ANO4: variants seen among roughly 807,000 people sequenced by gnomAD.
ANO4 encodes anoctamin 4, also known as anoctamin-4.
In ANO4, 69 loss-of-function variants were observed where a neutral mutation model predicts 141.9. That is an observed-to-expected ratio of 0.49 (90% confidence interval 0.40 to 0.59). ANO4 has a LOEUF of 0.59. Among genes scored for constraint, ANO4 ranks in the 20% least tolerant of loss-of-function variants. ANO4 has a pLI of 0.00. For missense variants in ANO4, 894 were observed against 1,162.2 expected (o/e 0.77, Z 3.36); for synonymous variants, 350 against 394.3 (o/e 0.89, Z 1.33).
At position 100,967,922 on chromosome 12, in the gene ANO4, T is replaced by TC. The variant is rs1344403184; in HGVS notation, c.457-3384_457-3383insC. 2.6e-5 allele frequency among the ~76,000 whole-genome samples: 4 copies of TC among 152,254 alleles called. No individual in the cohort carries two copies. The East Asian group carries it at 7.7e-4, about 29-fold the overall frequency. On this transcript the variant is annotated intron_variant, in intron 5 of 27. Transcript: ENST00000392977. ...TCAAAAGGAAGTTAAAAGGTGAGGG[T>TC]ATGGAATCAGCTCTGTCTGGGGTAA...
intron 2 of ANO4, among the ~76,000 whole-genome samples, chr12:100,909,696 C>T (rs2041014149): frequency 1.3e-5 from 2 of 152,176 alleles, no homozygotes; most frequent in African/African-American, 4.8e-5. Context: ...CATGACCATT[C>T]AGATGCAGGA....
At chr12:101,040,410 A>G (rs1352759056) in intron 11 of ANO4, among the ~76,000 whole-genome samples, 1 of 152,238 alleles carries the variant, frequency 6.6e-6, no homozygotes, top group Non-Finnish European at 1.5e-5. Flanking sequence ...CAAAGGTAAC[A>G]CTGCTTACAT....
chr12:100,888,880 T>C (rs1440808612), intron 1 of ANO4, among the ~76,000 whole-genome samples: 1 of 150,770 alleles, frequency 6.6e-6, no homozygotes, highest in African/African-American at 2.4e-5. Flanking sequence ...CTCTTATTTT[T>C]ATTATTATTA....
intron 14 of ANO4, among the ~76,000 whole-genome samples, chr12:101,064,986 C>T (rs2048517289): frequency 6.6e-6 from 1 of 152,106 alleles, no homozygotes; most frequent in African/African-American, 2.4e-5. Flanking sequence ...TATCACAGTA[C>T]TTGTATTCAA....
chr12:101,091,662 CT>C (rs1263113811), intron 17 of ANO4, among the ~76,000 whole-genome samples: 2 of 152,008 alleles, frequency 1.3e-5, no homozygotes, highest in African/African-American at 2.4e-5. Context: ...ATTGACCATA[CT>C]TTTCTTCCAA....
At chr12:100,827,967 T>C (rs1454250630) in intron 1 of ANO4, among the ~76,000 whole-genome samples, 1 of 152,024 alleles carries the variant, frequency 6.6e-6, no homozygotes, top group Non-Finnish European at 1.5e-5. Flanking sequence ...CGGGTGTCCC[T>C]TCACACCATT....
At chr12:100,860,182 G>C (rs940239142) in intron 1 of ANO4, among the ~76,000 whole-genome samples, 2 of 152,130 alleles carry the variant, frequency 1.3e-5, no homozygotes. Flanking sequence ...CATGTAAACT[G>C]GTTTGGAGTT....
chr12:100,724,919 T>C (rs2031040969), intron 1 of ANO4, among the ~76,000 whole-genome samples: 1 of 152,356 alleles, frequency 6.6e-6, no homozygotes, highest in Admixed American at 6.5e-5. Context: ...ACTACATTTT[T>C]TTCTTACTAG....
At chr12:101,094,588 T>C (rs545655200) in intron 18 of ANO4, among the ~76,000 whole-genome samples, 3 of 152,166 alleles carry the variant, frequency 2.0e-5, no homozygotes, top group Admixed American at 1.3e-4. Context: ...AAGTATCCAG[T>C]ATAATTTAGG....
intron 1 of ANO4, among the ~76,000 whole-genome samples, chr12:100,847,303 C>G (rs2037617134): frequency 6.6e-6 from 1 of 152,064 alleles, no homozygotes; most frequent in Non-Finnish European, 1.5e-5. Context: ...TCAGGTGGAA[C>G]TGTGGGTGGT....
intron 14 of ANO4, chr12:101,069,075 A>G (rs1184368094): frequency 1.0e-6 from 1 of 1,000,138 alleles, no homozygotes; most frequent in South Asian, 1.3e-5. Flanking sequence ...AAATTTGAAT[A>G]GCTTTCCAAA....
At chr12:100,720,433 C>G (rs1305513584) in intron 1 of ANO4, among the ~76,000 whole-genome samples, 1 of 151,602 alleles carries the variant, frequency 6.6e-6, no homozygotes, top group Non-Finnish European at 1.5e-5. Context: ...GGCCCTGAGT[C>G]AGGAATGAGC....
At chr12:100,994,420 C>T (rs2045277951) in intron 8 of ANO4, among the ~76,000 whole-genome samples, 1 of 152,014 alleles carries the variant, frequency 6.6e-6, no homozygotes, top group Admixed American at 6.6e-5. Context: ...AAGGTCAATA[C>T]CCATAATAAA....
intron 1 of ANO4, among the ~76,000 whole-genome samples, chr12:100,875,861 G>A (rs896381767): frequency 6.6e-6 from 1 of 152,128 alleles, no homozygotes; most frequent in Non-Finnish European, 1.5e-5. Context: ...TTGTGGGTTG[G>A]GGGGTGGGGA....
chr12:100,721,266 A>G (rs1220332228), intron 1 of ANO4, among the ~76,000 whole-genome samples: 1 of 152,228 alleles, frequency 6.6e-6, no homozygotes. Flanking sequence ...GCCTTAACCC[A>G]GGGTTACTAG....
At chr12:100,994,933 C>A (rs1367635909) in intron 8 of ANO4, among the ~76,000 whole-genome samples, 1 of 152,090 alleles carries the variant, frequency 6.6e-6, no homozygotes, top group East Asian at 1.9e-4. Flanking sequence ...GTGGAGATTG[C>A]GACTAGTGTC....
chr12:101,094,419 T>C (rs2049899434), intron 18 of ANO4, 127 bp downstream of exon 18: 18 of 650,962 alleles, frequency 2.8e-5, no homozygotes, highest in Non-Finnish European at 3.9e-5. Flanking sequence ...CAACAAGTTT[T>C]TTCTTTGCCT....
chr12:100,796,147 A>T (rs2034304989), intron 1 of ANO4, among the ~76,000 whole-genome samples: 1 of 151,128 alleles, frequency 6.6e-6, no homozygotes, highest in African/African-American at 2.4e-5. Context: ...CAAGTCTTGG[A>T]CCGGAGGTGG....
intron 14 of ANO4, among the ~76,000 whole-genome samples, chr12:101,057,142 A>T (rs2048156342): frequency 6.6e-6 from 1 of 151,668 alleles, no homozygotes. Context: ...GCTGAGAATG[A>T]TGGTTTCCAG....
Sources: allele counts gnomAD v4.1 joint callset (sites outside exome capture counted in the v4.1 genomes callset), GRCh38; gene constraint gnomAD v4.1.1; transcripts MANE v1.5; gene names NCBI Gene and HGNC (gene_info 2026-07-23, HGNC 2026-07-21).